Variants in LONP2 observed in about 807,000 individuals in gnomAD.
LONP2 encodes lon protease homolog 2, peroxisomal.
LONP2 carries 60 observed loss-of-function variants against 85.6 expected under a neutral mutation model. The observed-to-expected ratio is 0.70, with a 90% confidence interval of 0.57 to 0.87. The LOEUF (loss-of-function observed/expected upper bound fraction) is 0.87. LONP2 is among the 40% of genes least tolerant of loss of function. LONP2 has a pLI of 0.00. For synonymous variants in LONP2, 395 were observed against 389.7 expected, an observed-to-expected ratio of 1.01 and a Z score of -0.16; for missense variants, 860 against 1,063.5, an observed-to-expected ratio of 0.81 and a Z score of 2.66.
intron 12 of LONP2, chr16:48,336,357 G>A (rs1959648421): frequency 2.2e-6 from 1 of 456,144 alleles, no homozygotes; most frequent in South Asian, 1.5e-5. Flanking sequence ...ACATGAGTCT[G>A]CAGAAAGACT....
intron 8 of LONP2, among the ~76,000 whole-genome samples, chr16:48,294,111 AT>A (rs1046825675): frequency 6.6e-6 from 1 of 150,606 alleles, no homozygotes; most frequent in South Asian, 2.1e-4. Context: ...TAATTTTTGT[AT>A]TTTTTTTTAG....
chr16:48,254,904 G>T (rs1172968650), intron 2 of LONP2, among the ~76,000 whole-genome samples: 2 of 152,136 alleles, frequency 1.3e-5, no homozygotes, highest in Non-Finnish European at 2.9e-5. Flanking sequence ...TTTTCGTGGG[G>T]TGAATTCCTA....
At chr16:48,297,809 C>G (rs1295117744) in intron 9 of LONP2, among the ~76,000 whole-genome samples, 1 of 151,864 alleles carries the variant, frequency 6.6e-6, no homozygotes, top group Non-Finnish European at 1.5e-5. Context: ...AAACAATTCT[C>G]TTGCCTCAGC....
intron 11 of LONP2, among the ~76,000 whole-genome samples, chr16:48,305,094 C>T (rs998805968): frequency 6.6e-6 from 1 of 152,230 alleles, no homozygotes; most frequent in African/African-American, 2.4e-5. Flanking sequence ...CTCCCCACGC[C>T]TGGAACCTCA....
intron 11 of LONP2, among the ~76,000 whole-genome samples, chr16:48,320,449 A>G (rs1332932798): frequency 1.3e-5 from 2 of 152,080 alleles, no homozygotes; most frequent in East Asian, 1.9e-4. Context: ...GAGTTTAGGC[A>G]CTGGCTCATT....
intron 11 of LONP2, among the ~76,000 whole-genome samples, chr16:48,319,617 G>A (rs1332779160): frequency 6.6e-6 from 1 of 152,164 alleles, no homozygotes; most frequent in East Asian, 1.9e-4. Flanking sequence ...CTGGTAAGAG[G>A]TAATGTGTCT....
chr16:48,346,324 G>A (rs1479433602), intron 12 of LONP2, among the ~76,000 whole-genome samples: 1 of 152,156 alleles, frequency 6.6e-6, no homozygotes, highest in East Asian at 1.9e-4. Flanking sequence ...AGGAAATTTT[G>A]AAGCTCAAAG....
intron 10 of LONP2, 62 bp downstream of exon 10, chr16:48,299,850 C>A: frequency 1.3e-6 from 2 of 1,516,386 alleles, no homozygotes; most frequent in South Asian, 1.2e-5. Flanking sequence ...TACTGAGTTA[C>A]CAAACAGGAC....
At chr16:48,271,274 CTT>C (rs1972100157) in intron 7 of LONP2, among the ~76,000 whole-genome samples, 4 of 152,248 alleles carry the variant, frequency 2.6e-5, no homozygotes, top group South Asian at 2.1e-4. Flanking sequence ...TCACTGGTCT[CTT>C]TGTTGATCTG....
chr16:48,245,147 C>T (rs1359124202), intron 1 of LONP2, among the ~76,000 whole-genome samples: 1 of 152,176 alleles, frequency 6.6e-6, no homozygotes, highest in African/African-American at 2.4e-5. Context: ...GGGTGCCTTT[C>T]TTCTATACTC....
At chr16:48,295,630 T>C (rs1182608746) in intron 8 of LONP2, among the ~76,000 whole-genome samples, 1 of 152,250 alleles carries the variant, frequency 6.6e-6, no homozygotes, top group Admixed American at 6.5e-5. Flanking sequence ...CAAAATACTT[T>C]ACACATTTGC....
intron 2 of LONP2, 112 bp from the exon 3 acceptor site, chr16:48,256,497 CT>C: frequency 9.2e-7 from 1 of 1,084,384 alleles, no homozygotes; most frequent in East Asian, 2.4e-5. Context: ...AATCAGTGAT[CT>C]TTCAAAAACA....
intron 3 of LONP2, among the ~76,000 whole-genome samples, chr16:48,258,315 C>G (rs1244008011): frequency 6.6e-6 from 1 of 150,438 alleles, no homozygotes; most frequent in African/African-American, 2.5e-5. Context: ...CCACTGCACT[C>G]CAACCTGGGG....
intron 11 of LONP2, among the ~76,000 whole-genome samples, chr16:48,304,672 T>A (rs1448709781): frequency 1.3e-5 from 2 of 152,136 alleles, no homozygotes; most frequent in African/African-American, 4.8e-5. Context: ...CCCACTGCAC[T>A]CCATCTGGGC....
At chr16:48,336,500 T>G in intron 12 of LONP2, 1 of 453,288 alleles carries the variant, frequency 2.2e-6, no homozygotes, top group Non-Finnish European at 4.4e-6. Flanking sequence ...TGGGTACAGG[T>G]GAGCTGAGTC....
At chr16:48,316,241 A>G (rs2151011705) in intron 11 of LONP2, among the ~76,000 whole-genome samples, 1 of 148,548 alleles carries the variant, frequency 6.7e-6, no homozygotes, top group South Asian at 2.1e-4. Flanking sequence ...TCCTTACCTT[A>G]GGTGATCTGC....
chr16:48,270,297 A>T (rs1224897056), intron 7 of LONP2, 23 bp downstream of exon 7: 1 of 1,609,350 alleles, frequency 6.2e-7, no homozygotes. Flanking sequence ...TCTCAGTTTA[A>T]TCTCTGATTC....
intron 11 of LONP2, among the ~76,000 whole-genome samples, chr16:48,313,178 GTAAA>G (rs1973070627): frequency 6.6e-6 from 1 of 152,118 alleles, no homozygotes; most frequent in African/African-American, 2.4e-5. Flanking sequence ...CTACCAACAA[GTAAA>G]TAAATAAAAA....
intron 11 of LONP2, among the ~76,000 whole-genome samples, chr16:48,327,023 G>A (rs1008176745): frequency 1.2e-4 from 19 of 152,228 alleles, no homozygotes; most frequent in Non-Finnish European, 2.1e-4. Flanking sequence ...ATCAGCTCTA[G>A]AGGATGGCTT....
Sources: allele counts gnomAD v4.1 joint callset (sites outside exome capture counted in the v4.1 genomes callset), GRCh38; gene constraint gnomAD v4.1.1; transcripts MANE v1.5; gene names NCBI Gene and HGNC (gene_info 2026-07-23, HGNC 2026-07-21).